The following PCDH9 variants were observed in gnomAD, a reference collection of about 807,000 sequenced individuals.
The protein encoded by PCDH9 is protocadherin 9, also known as protocadherin-9.
In PCDH9, 24 loss-of-function variants were observed where a neutral mutation model predicts 70.6. The observed-to-expected ratio is 0.34, with a 90% CI of 0.25 to 0.48. The LOEUF (loss-of-function observed/expected upper bound fraction) is 0.48. Among genes scored for constraint, PCDH9 ranks in the 20% least tolerant of loss-of-function variants. The probability of loss-of-function intolerance (pLI) is 0.99; values close to 1 mark genes in which losing one functional copy is unlikely to be tolerated. For synonymous variants in PCDH9, 562 were observed against 558.5 expected (o/e 1.01, Z -0.09); for missense variants, 1,281 against 1,503.6 (o/e 0.85, Z 2.45).
chr13:66,723,636 T>C (rs1259708701), intron 3 of PCDH9, among the ~76,000 whole-genome samples: 1 of 151,754 alleles, frequency 6.6e-6, no homozygotes, highest in Non-Finnish European at 1.5e-5. Context: ...CCATAAATCA[T>C]AACAGAAGAA....
At chr13:66,384,492 C>T (rs1159351329) in intron 4 of PCDH9, among the ~76,000 whole-genome samples, 1 of 152,122 alleles carries the variant, frequency 6.6e-6, no homozygotes, top group Non-Finnish European at 1.5e-5. Flanking sequence ...AGCCAACTAA[C>T]ATATCCAGTC....
At chr13:66,636,302 A>G (rs1307152513) in intron 3 of PCDH9, among the ~76,000 whole-genome samples, 1 of 152,114 alleles carries the variant, frequency 6.6e-6, no homozygotes, top group African/African-American at 2.4e-5. Context: ...GAACAGAAAC[A>G]TTTGATATAT....
At chr13:66,997,363 C>A (rs1414998998) in intron 2 of PCDH9, among the ~76,000 whole-genome samples, 1 of 152,058 alleles carries the variant, frequency 6.6e-6, no homozygotes, top group African/African-American at 2.4e-5. Flanking sequence ...GAGAAGGTGC[C>A]AGGCTCTTTT....
chr13:67,037,308 G>T (rs961443948), intron 2 of PCDH9, among the ~76,000 whole-genome samples: 6 of 152,166 alleles, frequency 3.9e-5, no homozygotes, highest in African/African-American at 1.2e-4. Context: ...CAACGAAATG[G>T]TTTATGAACT....
At chr13:66,664,427 C>A (rs528293804) in intron 3 of PCDH9, among the ~76,000 whole-genome samples, 2 of 145,110 alleles carry the variant, frequency 1.4e-5, no homozygotes, top group Non-Finnish European at 3.0e-5. Context: ...ACATCCCTTC[C>A]CAAACAGCAA....
intron 4 of PCDH9, among the ~76,000 whole-genome samples, chr13:66,377,561 A>T (rs1036612343): frequency 4.6e-5 from 7 of 152,202 alleles, no homozygotes; most frequent in African/African-American, 1.7e-4. Flanking sequence ...CTCAATATAT[A>T]AGTTAACCAC....
At chr13:66,874,886 G>A (rs905365574) in intron 3 of PCDH9, among the ~76,000 whole-genome samples, 5 of 149,668 alleles carry the variant, frequency 3.3e-5, no homozygotes, top group African/African-American at 1.2e-4. Flanking sequence ...TAAGGAGGCA[G>A]ATAATATATT....
At chr13:66,536,784 T>C (rs1035352011) in intron 4 of PCDH9, among the ~76,000 whole-genome samples, 2 of 151,990 alleles carry the variant, frequency 1.3e-5, no homozygotes, top group African/African-American at 2.4e-5. Context: ...ACAGAATAGG[T>C]ACCCAAATAG....
intron 2 of PCDH9, among the ~76,000 whole-genome samples, chr13:67,192,863 G>GT (rs2088955535): frequency 6.6e-6 from 1 of 152,092 alleles, no homozygotes; most frequent in Non-Finnish European, 1.5e-5. Flanking sequence ...TGTAAACTCT[G>GT]TTTTTATAAG....
At chr13:66,460,159 GA>G (rs1342552370) in intron 4 of PCDH9, among the ~76,000 whole-genome samples, 1 of 151,674 alleles carries the variant, frequency 6.6e-6, no homozygotes, top group Non-Finnish European at 1.5e-5. Flanking sequence ...CCATATTGTT[GA>G]AAATATACAA....
At chr13:67,147,913 A>T (rs2087562200) in intron 2 of PCDH9, among the ~76,000 whole-genome samples, 1 of 152,160 alleles carries the variant, frequency 6.6e-6, no homozygotes, top group African/African-American at 2.4e-5. Flanking sequence ...CCAGTAAATG[A>T]GTATGCATTA....
At chr13:66,972,925 A>G (rs965129130) in intron 2 of PCDH9, among the ~76,000 whole-genome samples, 7 of 152,052 alleles carry the variant, frequency 4.6e-5, no homozygotes, top group Non-Finnish European at 1.0e-4. Context: ...TTCTTTGCCC[A>G]TGCATTATAT....
chr13:66,758,184 TACAC>T (rs2079566761), intron 3 of PCDH9, among the ~76,000 whole-genome samples: 1 of 152,094 alleles, frequency 6.6e-6, no homozygotes, highest in Non-Finnish European at 1.5e-5. Context: ...ACAAGTGTGT[TACAC>T]AGTTATTTTT....
At chr13:66,645,748 A>G (rs2077762810) in intron 3 of PCDH9, among the ~76,000 whole-genome samples, 1 of 152,190 alleles carries the variant, frequency 6.6e-6, no homozygotes. Context: ...CCTGTTAGAT[A>G]TTGAGATTTT....
At chr13:67,166,278 C>T (rs1385986681) in intron 2 of PCDH9, among the ~76,000 whole-genome samples, 1 of 152,110 alleles carries the variant, frequency 6.6e-6, no homozygotes, top group African/African-American at 2.4e-5. Context: ...GGATAAGTGA[C>T]ATGAAGGAAG....
At chr13:66,365,719 A>G (rs1444898293) in intron 4 of PCDH9, among the ~76,000 whole-genome samples, 1 of 152,184 alleles carries the variant, frequency 6.6e-6, no homozygotes, top group African/African-American at 2.4e-5. Flanking sequence ...TTAATTATTT[A>G]GCCTGTAATT....
At chr13:66,885,856 C>T (rs1181163542) in intron 3 of PCDH9, 1 of 152,154 alleles carries the variant, frequency 6.6e-6, no homozygotes, top group African/African-American at 2.4e-5. Flanking sequence ...CTTCTTCTCA[C>T]GAAACTGTTT....
intron 4 of PCDH9, among the ~76,000 whole-genome samples, chr13:66,451,074 G>T (rs1374070241): frequency 6.6e-6 from 1 of 152,084 alleles, no homozygotes. Context: ...CGAGTGAATG[G>T]GTGCAGCACA....
rs1312744651 is a variant in PCDH9, at chr13:66,834,242, C to G, written c.3138+69262G>C. Among the ~76,000 whole-genome samples the G allele has an allele frequency of 2.0e-5, 3 of 147,614 alleles. No individual in the cohort carries two copies. The East Asian group carries it at 6.3e-4, about 31-fold the overall frequency. ...GTGCAGTCTTGGCTCACTGCAAACT[C>G]CGTCCCCCGAGCTCAAGCAATTTTC... On this transcript the variant is annotated intron_variant, in intron 3 of 4. Transcript: ENST00000377865.
Sources: allele counts gnomAD v4.1 joint callset (sites outside exome capture counted in the v4.1 genomes callset), GRCh38; gene constraint gnomAD v4.1.1; transcripts MANE v1.5; gene names NCBI Gene and HGNC (gene_info 2026-07-23, HGNC 2026-07-21).